CCDC178: variants seen among roughly 807,000 people sequenced by gnomAD.
CCDC178 encodes the protein coiled-coil domain containing 178.
Under a neutral mutation model 117.4 loss-of-function variants are expected in CCDC178, and 126 were observed. That is an observed-to-expected ratio of 1.07 (90% CI 0.93 to 1.24). The LOEUF (loss-of-function observed/expected upper bound fraction) is 1.24. CCDC178 is among the 50% of genes most tolerant of loss of function. The pLI is 0.00. For missense variants in CCDC178, 1,030 were observed against 986.9 expected (o/e 1.04, Z -0.59); for synonymous variants, 283 against 313.4 (o/e 0.90, Z 1.02).
In CCDC178 at chr18:33,408,691, T is replaced by C. The variant is rs565763378; in HGVS notation, c.58+3340A>G. On this transcript the variant is annotated intron_variant, in intron 3 of 22. Coordinates refer to ENST00000383096, the MANE Select transcript of CCDC178 (RefSeq NM_001105528.4). ...ATGCAAAGTATTTTCTATTTTAAAA[T>C]ATCAAAACACTATTCTGTAAAAAAA... Among the ~76,000 whole-genome samples the C allele has an allele frequency of 9.2e-5, 14 of 152,264 alleles. No individual in the cohort carries two copies. In the East Asian group the frequency reaches 2.7e-3, roughly 29 times the overall value.
intron 21 of CCDC178, among the ~76,000 whole-genome samples, chr18:32,990,404 G>C (rs545068719): frequency 6.6e-6 from 1 of 152,026 alleles, no homozygotes; most frequent in Admixed American, 6.6e-5. Flanking sequence ...TATAAGAATA[G>C]ACGTAGTAAT....
Position 33,356,323 on chromosome 18 carries a change from C to G in CCDC178, c.371+1G>C. Reference sequence around the variant, plus strand: ...TTTTAAAAAGCATGAAATTTTCTTACCATTCTTCAAAAGAAGTTTCAAACT... The same window carrying G: ...TTTTAAAAAGCATGAAATTTTCTTAGCATTCTTCAAAAGAAGTTTCAAACT... On this transcript the variant is annotated splice_donor_variant, in intron 7 of 22. Coordinates refer to ENST00000383096, the MANE Select transcript of CCDC178 (RefSeq NM_001105528.4). LOFTEE classifies it high-confidence loss of function. 3 of 1,479,518 alleles carry G rather than the reference C, an allele frequency of 2.0e-6. No individual in the cohort carries two copies. The highest frequency in any genetic ancestry group is 2.7e-6 in the Non-Finnish European group (3 of 1,094,812). The allele number at this position is 1,479,518 out of a possible 1,614,324, so 91.6% of individuals were successfully genotyped here.
intron 9 of CCDC178, among the ~76,000 whole-genome samples, chr18:33,334,156 T>C (rs2144634633): frequency 6.6e-6 from 1 of 152,272 alleles, no homozygotes; most frequent in South Asian, 2.1e-4. Flanking sequence ...ACATAGTTCA[T>C]GTAAAAGTAA....
At chr18:33,375,329 T>C (rs2063350314) in intron 5 of CCDC178, among the ~76,000 whole-genome samples, 1 of 152,182 alleles carries the variant, frequency 6.6e-6, no homozygotes, top group African/African-American at 2.4e-5. Flanking sequence ...AAATAATCTT[T>C]TCCTCTACAC....
At chr18:32,960,067 T>C (rs1598733900) in intron 22 of CCDC178, among the ~76,000 whole-genome samples, 1 of 152,132 alleles carries the variant, frequency 6.6e-6, no homozygotes, top group Non-Finnish European at 1.5e-5. Context: ...ATTCATGGAA[T>C]TGAATATTGA....
intron 12 of CCDC178, among the ~76,000 whole-genome samples, chr18:33,279,721 C>G (rs1428980173): frequency 6.6e-6 from 1 of 152,138 alleles, no homozygotes; most frequent in African/African-American, 2.4e-5. Flanking sequence ...GCTACAGTAA[C>G]CAAAACAGCA....
intron 11 of CCDC178, among the ~76,000 whole-genome samples, chr18:33,311,245 A>C (rs2062337903): frequency 6.6e-6 from 1 of 152,240 alleles, no homozygotes. Context: ...TGAGCCCATA[A>C]GTACAAGACA....
chr18:33,386,448 T>A (rs538599730), intron 5 of CCDC178, among the ~76,000 whole-genome samples: 3 of 152,148 alleles, frequency 2.0e-5, no homozygotes, highest in Non-Finnish European at 4.4e-5. Context: ...CCAATAGCCC[T>A]AATGAACATC....
chr18:33,316,316 C>G (rs556593642), intron 11 of CCDC178, among the ~76,000 whole-genome samples: 1 of 152,186 alleles, frequency 6.6e-6, no homozygotes. Context: ...GCCCCACACT[C>G]GAAGCGGCCG....
chr18:33,080,758 CA>C (rs1219801440), intron 21 of CCDC178, among the ~76,000 whole-genome samples: 4 of 151,984 alleles, frequency 2.6e-5, no homozygotes, highest in African/African-American at 9.7e-5. Flanking sequence ...AATAATAGAA[CA>C]AAAATGATAA....
At chr18:33,331,135 T>A (rs978680850) in intron 10 of CCDC178, among the ~76,000 whole-genome samples, 1 of 148,164 alleles carries the variant, frequency 6.7e-6, no homozygotes, top group African/African-American at 2.5e-5. Context: ...CTGCTTATAA[T>A]GTACCCAAGT....
chr18:33,391,000 T>C (rs1488640410), intron 4 of CCDC178, among the ~76,000 whole-genome samples: 1 of 151,178 alleles, frequency 6.6e-6, no homozygotes, highest in African/African-American at 2.4e-5. Flanking sequence ...AAAGTAAGTT[T>C]ATAGCAAAAA....
At chr18:33,435,177 T>C (rs949150475) in intron 2 of CCDC178, among the ~76,000 whole-genome samples, 7 of 152,150 alleles carry the variant, frequency 4.6e-5, no homozygotes, top group African/African-American at 1.4e-4. Context: ...TTATATTTTT[T>C]AAAAAGAGCA....
rs1300224856 is a variant in CCDC178, at chr18:33,052,479, A to C, written c.2388+40282T>G. On this transcript the variant is annotated intron_variant, in intron 21 of 22. Coordinates refer to ENST00000383096, the MANE Select transcript of CCDC178 (RefSeq NM_001105528.4). ...AGCAAGGCTGATTAAACATGCAAAG[A>C]GAGTCTCTTGTTATTTCTACACTTT... is the stretch of plus-strand genomic sequence containing the variant. 3.3e-5 allele frequency among the ~76,000 whole-genome samples: 5 copies of C among 152,190 alleles called. No individual in the cohort carries two copies. The East Asian group carries it at 9.6e-4, about 29-fold the overall frequency.
chr18:33,363,652 T>C (rs932518529), intron 6 of CCDC178, among the ~76,000 whole-genome samples: 7 of 152,072 alleles, frequency 4.6e-5, no homozygotes, highest in African/African-American at 1.7e-4. Flanking sequence ...CCTTCTTCAC[T>C]GTGTATACTA....
chr18:33,350,509 T>C (rs898491459), intron 7 of CCDC178, among the ~76,000 whole-genome samples: 1 of 152,160 alleles, frequency 6.6e-6, no homozygotes, highest in African/African-American at 2.4e-5. Context: ...TCATGAATAT[T>C]TTATAGAAAT....
At chr18:33,090,730 A>T (rs2057450089) in intron 21 of CCDC178, among the ~76,000 whole-genome samples, 1 of 152,162 alleles carries the variant, frequency 6.6e-6, no homozygotes, top group African/African-American at 2.4e-5. Context: ...TGAAGGATGA[A>T]AATGAAAAAT....
At chr18:33,281,863 T>C (rs892275418) in intron 12 of CCDC178, among the ~76,000 whole-genome samples, 2 of 152,250 alleles carry the variant, frequency 1.3e-5, no homozygotes, top group Non-Finnish European at 2.9e-5. Flanking sequence ...AGATATTTAT[T>C]ACAGCTTTGT....
chr18:33,290,711 T>G (rs946586532), intron 12 of CCDC178, among the ~76,000 whole-genome samples: 1 of 152,110 alleles, frequency 6.6e-6, no homozygotes, highest in African/African-American at 2.4e-5. Context: ...ACACCCATTA[T>G]GGAATTTTCG....
Sources: allele counts gnomAD v4.1 joint callset (sites outside exome capture counted in the v4.1 genomes callset), GRCh38; gene constraint gnomAD v4.1.1; transcripts MANE v1.5; gene names NCBI Gene and HGNC (gene_info 2026-07-23, HGNC 2026-07-21).